The following DNAH6 variants were observed in gnomAD, a reference collection of about 807,000 sequenced individuals.
DNAH6 encodes the protein dynein axonemal heavy chain 6, also known as axonemal beta dynein heavy chain 6.
Under a neutral mutation model 491.4 loss-of-function variants are expected in DNAH6, and 340 were observed. The observed-to-expected ratio is 0.69, with a 90% CI of 0.63 to 0.76. The LOEUF (loss-of-function observed/expected upper bound fraction) is 0.76. DNAH6 is among the 30% of genes least tolerant of loss of function. The pLI, the probability that DNAH6 is intolerant of heterozygous loss-of-function variation, is 0.00. For synonymous variants in DNAH6, 1,603 were observed against 1,686.1 expected (o/e 0.95, Z 1.21); for missense variants, 4,443 against 4,972.2 (o/e 0.89, Z 3.20).
chr2:84,476,691 G>A, the DNAH6 span, among the ~76,000 whole-genome samples: 5 of 152,016 alleles, frequency 3.3e-5, no homozygotes, highest in East Asian at 9.6e-4. Flanking sequence ...CCTTATACGC[G>A]TTTTTAAAAT....
intron 31 of DNAH6, among the ~76,000 whole-genome samples, chr2:84,640,018 A>T (rs925435777): frequency 6.6e-6 from 1 of 152,182 alleles, no homozygotes; most frequent in African/African-American, 2.4e-5. Flanking sequence ...TCCTCGGGAA[A>T]CTAAGGGAGC....
At chr2:84,741,830 A>G (rs1466511574) in intron 62 of DNAH6, among the ~76,000 whole-genome samples, 1 of 152,306 alleles carries the variant, frequency 6.6e-6, no homozygotes, top group Non-Finnish European at 1.5e-5. Context: ...ATGTCTCTGT[A>G]CAATCTTTAG....
At chr2:84,510,283 CT>C in the DNAH6 span, among the ~76,000 whole-genome samples, 2 of 152,108 alleles carry the variant, frequency 1.3e-5, no homozygotes, top group African/African-American at 4.8e-5. Context: ...TCTTTTTATT[CT>C]TTTTTCTCTA....
chr2:84,594,007 C>G lies in DNAH6; in HGVS notation c.2646C>G (p.Val882=). The G allele has an allele frequency of 6.5e-7, 1 of 1,550,118 alleles. No homozygotes were observed. The highest frequency in any genetic ancestry group is 8.7e-7 in the Non-Finnish European group (1 of 1,146,054). ...CCAAGTTTGAAGCTTTGGAAGAAGT[C>G]AGTGCTGAACTGAAGCTCAAACAAT... ...EVSKFEALEE[V]SAELKLKQLL... The change falls in exon 17 of 77, where the codon GTC becomes GTG. Residue 882 remains valine, a synonymous_variant. Coordinates refer to ENST00000389394, the MANE Select transcript of DNAH6 (RefSeq NM_001370.2).
chr2:84,534,671 A>G (rs1160394683), intron 4 of DNAH6, among the ~76,000 whole-genome samples: 2 of 151,980 alleles, frequency 1.3e-5, no homozygotes, highest in African/African-American at 4.8e-5. Flanking sequence ...GATGTTTCTG[A>G]TTATTTTTTC....
chr2:84,515,442 C>T (rs1675525892), upstream of DNAH6, among the ~76,000 whole-genome samples: 1 of 152,126 alleles, frequency 6.6e-6, no homozygotes, highest in Admixed American at 6.5e-5. Context: ...ACTATGTGAC[C>T]TGTAATCTCC....
rs1179697890 is a variant in DNAH6 at position 84,658,365 on chromosome 2, A to G, written c.5831A>G (p.Asn1944Ser). 5 of 1,549,106 alleles carry G rather than the reference A, an allele frequency of 3.2e-6. No homozygotes were observed. The highest frequency in any genetic ancestry group is 1.4e-5 in the African/African-American group (1 of 72,930). Residue 1944 changes from asparagine to serine, a missense_variant, in exon 36 of 77, where the codon AAT becomes AGT. By Grantham distance (46) the Asn-to-Ser change is conservative. Around this residue, in one of 3 missense-constraint regions of DNAH6, gnomAD observed 2,977 missense variants for 3,296.6 expected, o/e 0.90. Transcript: ENST00000389394. ...GTTGATGAAGGTTTACATTTTATCA[A>G]TAAAAAGTGCAGCCAAGCAATTCCA... is the stretch of plus-strand genomic sequence containing the variant. Reference protein sequence around the residue: ...RYVDEGLHFINKKCSQAIPQV... With the variant: ...RYVDEGLHFISKKCSQAIPQV...
chr2:84,769,174 G>A (rs1224931377), intron 64 of DNAH6, among the ~76,000 whole-genome samples: 2 of 152,228 alleles, frequency 1.3e-5, no homozygotes, highest in African/African-American at 4.8e-5. Context: ...CATGGGGATG[G>A]CAGGAGCTGC....
chr2:84,585,377 C>T (rs994062956), intron 15 of DNAH6, among the ~76,000 whole-genome samples: 19 of 152,100 alleles, frequency 1.2e-4, no homozygotes, highest in Non-Finnish European at 2.6e-4. Context: ...AAGTTCTTGC[C>T]CTGCATCTAG....
At chr2:84,769,720 A>T (rs1675433107) in intron 64 of DNAH6, among the ~76,000 whole-genome samples, 2 of 152,238 alleles carry the variant, frequency 1.3e-5, no homozygotes, top group Admixed American at 1.3e-4. Context: ...AGATTTTGTC[A>T]AAATTATATA....
intron 16 of DNAH6, among the ~76,000 whole-genome samples, chr2:84,592,812 A>C (rs973918611): frequency 6.6e-6 from 1 of 152,204 alleles, no homozygotes; most frequent in East Asian, 1.9e-4. Context: ...CATTATGCTT[A>C]GTGAAATAAG....
At position 84,678,102 on chromosome 2, in the gene DNAH6, A is replaced by G. The variant is rs146361294; in HGVS notation, c.6744+966A>G. On this transcript the variant is annotated intron_variant, in intron 41 of 76. Coordinates refer to ENST00000389394, the MANE Select transcript of DNAH6 (RefSeq NM_001370.2). ...TGTATACAACCTTCAGTACATGGAA[A>G]GGAATTTTCTGTTTGTATTGAAATA... Among the ~76,000 whole-genome samples the G allele has an allele frequency of 6.6e-5, 10 of 152,362 alleles. No homozygotes were observed. In the East Asian group the frequency reaches 1.9e-3, roughly 29 times the overall value.
At chr2:84,516,463 A>G (rs1558652116), upstream of DNAH6, 3 of 152,152 alleles carry the variant, frequency 2.0e-5, no homozygotes, top group Admixed American at 1.3e-4. Flanking sequence ...GTGCTTCCGT[A>G]GAGGCCAGCT....
intron 58 of DNAH6, among the ~76,000 whole-genome samples, chr2:84,717,966 A>G (rs1255719531): frequency 1.2e-4 from 19 of 152,234 alleles, no homozygotes; most frequent in Non-Finnish European, 2.8e-4. Context: ...TGGGAACTTC[A>G]GTAGTATGCA....
intron 63 of DNAH6, among the ~76,000 whole-genome samples, chr2:84,760,286 A>C (rs1188466687): frequency 6.6e-6 from 1 of 151,410 alleles, no homozygotes; most frequent in Non-Finnish European, 1.5e-5. Flanking sequence ...CCTCAAAAGC[A>C]CAGGCAACAA....
intron 76 of DNAH6, among the ~76,000 whole-genome samples, chr2:84,816,477 A>C (rs1175471881): frequency 6.6e-6 from 1 of 152,226 alleles, no homozygotes; most frequent in Non-Finnish European, 1.5e-5. Context: ...TAATCCCAGC[A>C]CTTTGGGAGA....
chr2:84,724,247 C>T (rs1456588349), intron 60 of DNAH6, among the ~76,000 whole-genome samples: 1 of 152,208 alleles, frequency 6.6e-6, no homozygotes, highest in Non-Finnish European at 1.5e-5. Context: ...TGCAACACAT[C>T]TCTATTTCCT....
At chr2:84,473,802 T>G in the DNAH6 span, among the ~76,000 whole-genome samples, 2 of 152,228 alleles carry the variant, frequency 1.3e-5, no homozygotes, top group Non-Finnish European at 2.9e-5. Flanking sequence ...TCGGGGGCTA[T>G]AATTAACCCT....
At chr2:84,698,356 G>A (rs1273787204) in intron 47 of DNAH6, among the ~76,000 whole-genome samples, 2 of 152,226 alleles carry the variant, frequency 1.3e-5, no homozygotes, top group African/African-American at 2.4e-5. Flanking sequence ...GCTAATGTAA[G>A]CAGGAAGGGA....
Sources: allele counts gnomAD v4.1 joint callset (sites outside exome capture counted in the v4.1 genomes callset), GRCh38; gene constraint gnomAD v4.1.1; regional missense constraint gnomAD v4.1.1; transcripts MANE v1.5; gene names NCBI Gene and HGNC (gene_info 2026-07-23, HGNC 2026-07-21).